CTIF: variants seen among roughly 807,000 people sequenced by gnomAD.
CTIF encodes cap binding complex dependent translation initiation factor, also known as CBP80/20-dependent translation initiation factor.
In CTIF, 21 loss-of-function variants were observed where a neutral mutation model predicts 66.0. The ratio of observed to expected loss-of-function variants is 0.32; its 90% CI spans 0.23 to 0.46. The LOEUF (loss-of-function observed/expected upper bound fraction) is 0.46. Among genes scored for constraint, CTIF ranks in the 20% least tolerant of loss-of-function variants. The probability of loss-of-function intolerance (pLI) is 1.00; values close to 1 mark genes in which losing one functional copy is unlikely to be tolerated. For synonymous variants in CTIF, 345 were observed against 326.4 expected (o/e 1.06, Z -0.62); for missense variants, 739 against 812.7 (o/e 0.91, Z 1.10).
At chr18:48,734,113 G>A (rs2092478868) in intron 7 of CTIF, among the ~76,000 whole-genome samples, 1 of 152,226 alleles carries the variant, frequency 6.6e-6, no homozygotes, top group African/African-American at 2.4e-5. Context: ...ACCCAGCATG[G>A]GAACTTCCTG....
chr18:48,742,279 C>T (rs375199770), intron 7 of CTIF, among the ~76,000 whole-genome samples: 7 of 152,078 alleles, frequency 4.6e-5, no homozygotes, highest in Admixed American at 2.0e-4. Flanking sequence ...AGGGGAATGG[C>T]GTGGGTGCTC....
chr18:48,584,420 C>T (rs2089724923), intron 1 of CTIF, among the ~76,000 whole-genome samples: 1 of 152,158 alleles, frequency 6.6e-6, no homozygotes, highest in Admixed American at 6.5e-5. Flanking sequence ...TCCACAGTTC[C>T]CAAATGTCCT....
Position 48,699,104 on chromosome 18 carries a change from G to A in CTIF, c.508-12515G>A, listed in dbSNP as rs564447424. Among the ~76,000 whole-genome samples, 13 of 152,220 alleles carry A rather than the reference G, an allele frequency of 8.5e-5. No homozygotes were observed. The South Asian group carries it at 1.7e-3, about 19-fold the overall frequency. On this transcript the variant is annotated intron_variant, in intron 6 of 11. Coordinates refer to ENST00000256413, the MANE Select transcript of CTIF (RefSeq NM_014772.3). ...CCTCTCTTCCCCACTCTTCTTATCT[G>A]TGCTGTGGCTAGCTTCTTAGATACC...
chr18:48,701,210 A>G (rs778457679), intron 6 of CTIF, among the ~76,000 whole-genome samples: 1 of 152,040 alleles, frequency 6.6e-6, no homozygotes, highest in Non-Finnish European at 1.5e-5. Flanking sequence ...CTCATTCCTC[A>G]TGGCCCTTTG....
At chr18:48,604,168 GTTTT>G (rs34544217) in intron 1 of CTIF, among the ~76,000 whole-genome samples, 10 of 63,284 alleles carry the variant, frequency 1.6e-4, no homozygotes, top group African/African-American at 6.6e-4. Flanking sequence ...TTTTTTAAGG[GTTTT>G]TTTTTTTTTT....
chr18:48,641,075 CTAG>C (rs2090920372), intron 3 of CTIF, among the ~76,000 whole-genome samples: 1 of 152,192 alleles, frequency 6.6e-6, no homozygotes, highest in African/African-American at 2.4e-5. Flanking sequence ...CACCCATCAC[CTAG>C]TCATTTAGTT....
chr18:48,758,736 G>A (rs1326737497), intron 8 of CTIF, among the ~76,000 whole-genome samples: 2 of 152,232 alleles, frequency 1.3e-5, no homozygotes, highest in Non-Finnish European at 2.9e-5. Context: ...GGTGCAGGGA[G>A]CATATTCTAG....
intron 1 of CTIF, among the ~76,000 whole-genome samples, chr18:48,543,839 C>T (rs1193128419): frequency 6.6e-6 from 1 of 152,188 alleles, no homozygotes; most frequent in Non-Finnish European, 1.5e-5. Flanking sequence ...ATCTTCTTCT[C>T]TCCTGTCTTC....
intron 7 of CTIF, among the ~76,000 whole-genome samples, chr18:48,752,662 T>A (rs1013597855): frequency 4.0e-5 from 6 of 151,764 alleles, no homozygotes; most frequent in African/African-American, 1.5e-4. Context: ...CACAGAGAGG[T>A]GAGATCACCC....
intron 9 of CTIF, among the ~76,000 whole-genome samples, chr18:48,811,555 CCCCCATGT>C (rs1419779810): frequency 1.3e-5 from 2 of 152,106 alleles, no homozygotes; most frequent in Non-Finnish European, 2.9e-5. Context: ...ACCTATTAAC[CCCCCATGT>C]CCCCTGCTCC....
intron 2 of CTIF, chr18:48,621,631 T>A (rs1264682419): frequency 9.0e-6 from 3 of 332,418 alleles, no homozygotes; most frequent in Non-Finnish European, 1.7e-5. Flanking sequence ...TGCGGGCCAC[T>A]GCCAGGCCAG....
chr18:48,733,015 AAGG>A (rs1019248675), intron 7 of CTIF, among the ~76,000 whole-genome samples: 2 of 152,192 alleles, frequency 1.3e-5, no homozygotes, highest in African/African-American at 4.8e-5. Context: ...TCAGAAAAAG[AAGG>A]AGGAGGAGGA....
chr18:48,846,267 A>G (rs1169017043), intron 10 of CTIF, among the ~76,000 whole-genome samples: 1 of 152,222 alleles, frequency 6.6e-6, no homozygotes, highest in Non-Finnish European at 1.5e-5. Context: ...TTCTCATGCC[A>G]TATGCCTGGA....
At chr18:48,802,096 C>A (rs556740848) in intron 9 of CTIF, among the ~76,000 whole-genome samples, 1 of 152,268 alleles carries the variant, frequency 6.6e-6, no homozygotes, top group South Asian at 2.1e-4. Flanking sequence ...TGCAGAGGCA[C>A]GGTGACTGGC....
At chr18:48,612,690 A>G (rs971232674) in intron 1 of CTIF, among the ~76,000 whole-genome samples, 3 of 152,208 alleles carry the variant, frequency 2.0e-5, no homozygotes, top group African/African-American at 7.2e-5. Context: ...CACAGCTCCG[A>G]TGCCACCTCC....
chr18:48,822,536 A>G (rs1304435233), intron 10 of CTIF, among the ~76,000 whole-genome samples: 2 of 91,188 alleles, frequency 2.2e-5, no homozygotes, highest in African/African-American at 4.9e-5. Flanking sequence ...ACACACACAC[A>G]CACATTGTTT....
chr18:48,681,238 C>CT (rs2091736466), intron 6 of CTIF, among the ~76,000 whole-genome samples: 2 of 152,340 alleles, frequency 1.3e-5, no homozygotes, highest in South Asian at 4.1e-4. Context: ...GCCAGGGGGG[C>CT]TGGGGGGTCA....
At position 48,761,130 on chromosome 18, in the gene CTIF, A is replaced by G. The variant is rs1908941503; in HGVS notation, c.1072-260A>G. On this transcript the variant is annotated intron_variant, in intron 8 of 11. Coordinates refer to ENST00000256413, the MANE Select transcript of CTIF (RefSeq NM_014772.3). The surrounding 1 kb of genome is among the most constrained non-coding windows in gnomAD (Gnocchi z 4.2). ...ACAAATAAACAAAAAAAGCCAATGT[A>G]TATGAGAATCCTGGGTAGGAGCTAG... is the stretch of plus-strand genomic sequence containing the variant. The G allele has an allele frequency of 1.4e-5, 6 of 420,326 alleles. No individual in the cohort carries two copies. The South Asian group carries it at 3.2e-4, about 22-fold the overall frequency. 26.0% of individuals were successfully genotyped at this position (420,326 alleles called of 1,614,324 possible).
At chr18:48,639,176 T>C (rs915746989) in intron 3 of CTIF, among the ~76,000 whole-genome samples, 5 of 152,206 alleles carry the variant, frequency 3.3e-5, no homozygotes, top group African/African-American at 1.2e-4. Flanking sequence ...GAATGCTGGG[T>C]TTGCCTGAGT....
Sources: allele counts gnomAD v4.1 joint callset (sites outside exome capture counted in the v4.1 genomes callset), GRCh38; gene constraint gnomAD v4.1.1; non-coding constraint Gnocchi (gnomAD v3.1); transcripts MANE v1.5; gene names NCBI Gene and HGNC (gene_info 2026-07-23, HGNC 2026-07-21).